The following DRC5 variants were observed in gnomAD, a reference collection of about 807,000 sequenced individuals.
The protein encoded by DRC5 is dynein regulatory complex subunit 5, also known as T-complex-associated testis-expressed protein 1.
the DRC5 span, chr6:44,287,380 G>A: frequency 5.6e-5 from 31 of 555,300 alleles, no homozygotes; most frequent in Non-Finnish European, 6.9e-5. Context: ...AGGAGAAACT[G>A]TCTTGGCCCT....
chr6:44,287,401 G>A, the DRC5 span: 2 of 986,734 alleles, frequency 2.0e-6, no homozygotes, highest in Non-Finnish European at 2.9e-6. Flanking sequence ...GGGTGGAAGG[G>A]AAGTGTTGAG....
the DRC5 span, chr6:44,280,164 A>T: frequency 1.2e-6 from 2 of 1,608,768 alleles, no homozygotes; most frequent in Non-Finnish European, 1.7e-6. Flanking sequence ...TGGGGCCATG[A>T]TCCAAGTCAG....
At chr6:44,286,365 C>A in the DRC5 span, 9 of 1,614,066 alleles carry the variant, frequency 5.6e-6, no homozygotes, top group Non-Finnish European at 7.6e-6. Flanking sequence ...TTCCAGCTGC[C>A]GCCATGGTGG....
At chr6:44,286,515 G>A in the DRC5 span, 1 of 1,612,808 alleles carries the variant, frequency 6.2e-7, no homozygotes, top group Non-Finnish European at 8.5e-7. Context: ...GGGAGCATCT[G>A]CTTCAGGATA....
At chr6:44,282,462 G>A in the DRC5 span, 1 of 1,612,950 alleles carries the variant, frequency 6.2e-7, no homozygotes, top group Non-Finnish European at 8.5e-7. Flanking sequence ...GAGGTTTTGT[G>A]ACAAGTCCAG....
At chr6:44,283,445 C>A in the DRC5 span, among the ~76,000 whole-genome samples, 3 of 152,304 alleles carry the variant, frequency 2.0e-5, no homozygotes, top group Admixed American at 2.0e-4. Context: ...TGAATATTGT[C>A]CATGGGAACC....
At chr6:44,296,440 C>G in the DRC5 span, among the ~76,000 whole-genome samples, 3 of 152,228 alleles carry the variant, frequency 2.0e-5, no homozygotes, top group African/African-American at 7.2e-5. Context: ...GTGGTGCTCT[C>G]CTGCCCCTGG....
At chr6:44,280,170 G>A in the DRC5 span, 2 of 1,610,866 alleles carry the variant, frequency 1.2e-6, no homozygotes, top group African/African-American at 2.7e-5. Flanking sequence ...CATGATCCAA[G>A]TCAGGTCATT....
the DRC5 span, among the ~76,000 whole-genome samples, chr6:44,293,112 G>A: frequency 6.6e-6 from 1 of 152,126 alleles, no homozygotes; most frequent in Non-Finnish European, 1.5e-5. Flanking sequence ...TGGGATAGCT[G>A]AGAATGGCCA....
the DRC5 span, among the ~76,000 whole-genome samples, chr6:44,289,225 C>T: frequency 3.4e-4 from 52 of 151,388 alleles, no homozygotes; most frequent in East Asian, 7.9e-4. Context: ...TTAGTAGAGA[C>T]GGGGTTTCAC....
the DRC5 span, among the ~76,000 whole-genome samples, chr6:44,297,465 G>A: frequency 3.3e-5 from 5 of 152,216 alleles, no homozygotes; most frequent in Non-Finnish European, 7.3e-5. Flanking sequence ...CTCGCGTGGA[G>A]GGCGTGGGGT....
the DRC5 span, chr6:44,286,011 C>T: frequency 7.4e-6 from 12 of 1,613,892 alleles, no homozygotes; most frequent in Non-Finnish European, 1.0e-5. Context: ...GAGAGGCAGT[C>T]ACGGTAGGTG....
chr6:44,280,460 T>C, the DRC5 span: 4 of 1,186,542 alleles, frequency 3.4e-6, no homozygotes, highest in Non-Finnish European at 4.9e-6. Flanking sequence ...TACTACACAT[T>C]TTCAGGTAGA....
At chr6:44,294,297 T>C in the DRC5 span, among the ~76,000 whole-genome samples, 1 of 152,198 alleles carries the variant, frequency 6.6e-6, no homozygotes, top group Non-Finnish European at 1.5e-5. Context: ...TAGCAAACTT[T>C]TTAAAAAGTA....
chr6:44,287,048 C>G, the DRC5 span: 1 of 284,082 alleles, frequency 3.5e-6, no homozygotes, highest in Non-Finnish European at 5.3e-6. Context: ...ATGAGTGAGA[C>G]TGGGTGATGA....
At chr6:44,286,175 G>T in the DRC5 span, 1 of 1,612,724 alleles carries the variant, frequency 6.2e-7, no homozygotes, top group Non-Finnish European at 8.5e-7. Context: ...GCCTGAGTCG[G>T]ACTGGTCGCC....
the DRC5 span, among the ~76,000 whole-genome samples, chr6:44,293,848 A>C: frequency 6.6e-6 from 1 of 152,236 alleles, no homozygotes; most frequent in East Asian, 1.9e-4. Flanking sequence ...CCTAAATGAA[A>C]CAAAATTTAA....
the DRC5 span, among the ~76,000 whole-genome samples, chr6:44,290,837 CCTT>C: frequency 9.3e-3 from 1,409 of 152,248 alleles, 87 homozygotes; most frequent in East Asian, 0.17. Context: ...AGTCCCTTCT[CCTT>C]CTTCTCCTGG....
At chr6:44,296,916 A>G in the DRC5 span, among the ~76,000 whole-genome samples, 15 of 152,228 alleles carry the variant, frequency 9.9e-5, no homozygotes, top group Admixed American at 3.9e-4. Flanking sequence ...AGGGCAAAAA[A>G]CTTTCTCCAA....
Sources: gnomAD v4.1 joint callset for allele counts (sites outside exome capture counted in the v4.1 genomes callset) on GRCh38, gnomAD v4.1.1 for gene constraint, MANE v1.5 for transcripts, NCBI Gene and HGNC (gene_info 2026-07-23, HGNC 2026-07-21) for gene names.